HMCN1: variants seen among roughly 807,000 people sequenced by gnomAD.
HMCN1 encodes hemicentin-1.
Under a neutral mutation model 625.9 loss-of-function variants are expected in HMCN1, and 321 were observed. The observed-to-expected ratio is 0.51, with a 90% CI of 0.47 to 0.56. The LOEUF (loss-of-function observed/expected upper bound fraction) is 0.56. Among genes scored for constraint, HMCN1 ranks in the 20% least tolerant of loss-of-function variants. The pLI, the probability that HMCN1 is intolerant of heterozygous loss-of-function variation, is 0.00. For synonymous variants in HMCN1, 2,425 were observed against 2,417.6 expected (o/e 1.00, Z -0.09); for missense variants, 6,588 against 6,887.3 (o/e 0.96, Z 1.54).
At chr1:185,996,591 C>CG (rs1186533899) in intron 24 of HMCN1, among the ~76,000 whole-genome samples, 1 of 151,958 alleles carries the variant, frequency 6.6e-6, no homozygotes, top group Admixed American at 6.6e-5. Flanking sequence ...GGGAATCATT[C>CG]GGCTAGAGAA....
intron 86 of HMCN1, among the ~76,000 whole-genome samples, chr1:186,134,245 A>T (rs1649432492): frequency 6.6e-6 from 1 of 152,178 alleles, no homozygotes; most frequent in African/African-American, 2.4e-5. Flanking sequence ...ATGGAATTTT[A>T]TTGTATTAAT....
Position 185,857,183 on chromosome 1 carries a change from G to C in HMCN1, c.340-7287G>C, listed in dbSNP as rs186121827. On this transcript the variant is annotated intron_variant, in intron 2 of 106. Coordinates refer to ENST00000271588, the MANE Select transcript of HMCN1 (RefSeq NM_031935.3). ...TTTAAAAATATTTTTTATTCCAGGA[G>C]CAACATTTACTGTGAAAGCTCACAT... 7.6e-4 allele frequency among the ~76,000 whole-genome samples: 115 copies of C among 152,230 alleles called. 1 individual carries two copies. Among genetic ancestry groups the C allele is most frequent in the South Asian group, 4.2e-4 (2 of 4,812 alleles).
chr1:186,140,102 G>A (rs1262308972), intron 89 of HMCN1, among the ~76,000 whole-genome samples: 1 of 152,118 alleles, frequency 6.6e-6, no homozygotes, highest in Non-Finnish European at 1.5e-5. Flanking sequence ...ACATAGTACA[G>A]TGATCAAAAT....
Position 186,151,598 on chromosome 1 carries a change from T to C in HMCN1, c.14759-8T>C. The C allele has an allele frequency of 6.2e-7, 1 of 1,610,278 alleles. No homozygotes were observed. The highest frequency in any genetic ancestry group is 1.3e-5 in the African/African-American group (1 of 74,796). On this transcript the variant is annotated splice_region_variant and splice_polypyrimidine_tract_variant and intron_variant, in intron 94 of 106. Transcript: ENST00000271588. ...GCTATCACCTTATTTATCCTTTTTT[T>C]TCTTTAGGTTCAGCAATGAGAAAGA...
intron 97 of HMCN1, among the ~76,000 whole-genome samples, chr1:186,164,595 T>C (rs1457387359): frequency 6.6e-6 from 1 of 152,146 alleles, no homozygotes; most frequent in Non-Finnish European, 1.5e-5. Flanking sequence ...TTTGACTAGA[T>C]GAAAAGGAAA....
intron 9 of HMCN1, among the ~76,000 whole-genome samples, chr1:185,927,561 C>T (rs1457924548): frequency 6.6e-6 from 1 of 152,118 alleles, no homozygotes; most frequent in Admixed American, 6.5e-5. Flanking sequence ...GTACCAAATA[C>T]GAGTTAAGAG....
chr1:186,059,732 A>G (rs1463216615), intron 46 of HMCN1, among the ~76,000 whole-genome samples: 1 of 151,912 alleles, frequency 6.6e-6, no homozygotes, highest in Non-Finnish European at 1.5e-5. Flanking sequence ...AGACCCTATC[A>G]TTGTTATGAA....
intron 36 of HMCN1, among the ~76,000 whole-genome samples, chr1:186,030,809 T>C (rs1036797226): frequency 2.0e-5 from 3 of 151,926 alleles, no homozygotes; most frequent in African/African-American, 4.8e-5. Context: ...TTGCCCTTAT[T>C]GCTTCTTTTA....
At chr1:186,123,297 G>A in intron 81 of HMCN1, 77 bp downstream of exon 81, 1 of 1,530,640 alleles carries the variant, frequency 6.5e-7, no homozygotes, top group African/African-American at 1.4e-5. Context: ...GAGCAAATCT[G>A]ATGGAAGTCA....
At chr1:186,027,287 C>G (rs971352466) in intron 36 of HMCN1, among the ~76,000 whole-genome samples, 1 of 152,122 alleles carries the variant, frequency 6.6e-6, no homozygotes, top group African/African-American at 2.4e-5. Context: ...TTTAATAATT[C>G]TGGAAGTTTT....
At chr1:186,154,896 C>A (rs1650896226) in intron 97 of HMCN1, among the ~76,000 whole-genome samples, 2 of 152,104 alleles carry the variant, frequency 1.3e-5, no homozygotes, top group Admixed American at 1.3e-4. Context: ...TAAGAGCCAC[C>A]ACGGCAATTA....
At chr1:185,877,317 CTTTCTTTTTTTTTTTTTT>C (rs948381780) in intron 4 of HMCN1, among the ~76,000 whole-genome samples, 2 of 42,720 alleles carry the variant, frequency 4.7e-5, no homozygotes, top group African/African-American at 1.5e-4. Flanking sequence ...ATCTATGTGT[CTTTCTTTTTTTTTTTTTT>C]TTTTTTTTTT....
intron 1 of HMCN1, among the ~76,000 whole-genome samples, chr1:185,843,914 A>G (rs965935497): frequency 1.3e-5 from 2 of 152,164 alleles, no homozygotes; most frequent in African/African-American, 4.8e-5. Flanking sequence ...GCATCCCTTG[A>G]TCCCCACTCT....
At chr1:186,164,967 C>T in intron 97 of HMCN1, 144 bp from the exon 98 acceptor site, 2 of 745,294 alleles carry the variant, frequency 2.7e-6, no homozygotes, top group Non-Finnish European at 4.7e-6. Flanking sequence ...GAAAAGTTTT[C>T]CATGCCTGCT....
intron 63 of HMCN1, among the ~76,000 whole-genome samples, chr1:186,090,256 A>G (rs1659765206): frequency 1.3e-5 from 2 of 152,010 alleles, no homozygotes; most frequent in Admixed American, 1.3e-4. Flanking sequence ...CAGAACTACA[A>G]CAAACCTATC....
intron 1 of HMCN1, among the ~76,000 whole-genome samples, chr1:185,784,466 G>A (rs1306453803): frequency 1.3e-5 from 2 of 152,006 alleles, no homozygotes; most frequent in Non-Finnish European, 2.9e-5. Flanking sequence ...CTGTCGACTG[G>A]AGCTGTTCCT....
chr1:185,800,691 TA>T (rs1658735195), intron 1 of HMCN1, among the ~76,000 whole-genome samples: 1 of 152,166 alleles, frequency 6.6e-6, no homozygotes, highest in Admixed American at 6.5e-5. Flanking sequence ...AAAATGTGTC[TA>T]AAGTATTTGA....
chr1:185,802,798 T>C (rs898948904), intron 1 of HMCN1, among the ~76,000 whole-genome samples: 1 of 151,774 alleles, frequency 6.6e-6, no homozygotes, highest in Non-Finnish European at 1.5e-5. Flanking sequence ...GATGAAGAAA[T>C]AGTGATCACA....
Position 186,053,086 on chromosome 1 carries a change from T to C in HMCN1, c.6700+12T>C, listed in dbSNP as rs767165447. On this transcript the variant is annotated intron_variant, in intron 43 of 106. Transcript: ENST00000271588. ...CTGGAAGAAGAAAGGTCAGTTTTCA[T>C]CCTTGAAATTTATAAAATTAAAGAA... 1.9e-6 allele frequency: 3 copies of C among 1,603,100 alleles called. No homozygotes were observed. Among genetic ancestry groups the C allele is most frequent in the Non-Finnish European group, 2.6e-6 (3 of 1,171,302 alleles).
Sources: allele counts gnomAD v4.1 joint callset (sites outside exome capture counted in the v4.1 genomes callset), GRCh38; gene constraint gnomAD v4.1.1; transcripts MANE v1.5; gene names NCBI Gene and HGNC (gene_info 2026-07-23, HGNC 2026-07-21).